Variants in CORO7 observed in about 807,000 individuals in gnomAD.
The protein encoded by CORO7 is coronin-7.
A neutral mutation model predicts 126.6 loss-of-function variants in CORO7; 107 were observed. The ratio of observed to expected loss-of-function variants is 0.85; its 90% CI spans 0.72 to 0.99. The LOEUF (loss-of-function observed/expected upper bound fraction) is 0.99. CORO7 is among the 50% of genes least tolerant of loss of function. The probability of loss-of-function intolerance (pLI) is 0.00; values close to 1 mark genes in which losing one functional copy is unlikely to be tolerated. For missense variants in CORO7, 1,314 were observed against 1,255.8 expected (o/e 1.05, Z -0.70); for synonymous variants, 603 against 536.8 (o/e 1.12, Z -1.70).
At chr16:4,415,791 G>T (rs769835964) in intron 1 of CORO7, 89 of 985,472 alleles carry the variant, frequency 9.0e-5, no homozygotes, top group Non-Finnish European at 8.7e-5. Flanking sequence ...CTGCCGTTTC[G>T]GGGGTCCGAA....
At chr16:4,404,974 C>A (rs1286379754) in intron 6 of CORO7, among the ~76,000 whole-genome samples, 2 of 152,208 alleles carry the variant, frequency 1.3e-5, no homozygotes, top group Admixed American at 6.5e-5. Context: ...CAGCACCCGC[C>A]TGCCCCGCAC....
At chr16:4,415,348 C>CT (rs1230272614) in intron 1 of CORO7, among the ~76,000 whole-genome samples, 1 of 152,158 alleles carries the variant, frequency 6.6e-6, no homozygotes, top group Non-Finnish European at 1.5e-5. Flanking sequence ...CTGGCCTCAG[C>CT]TAAAATGCCA....
chr16:4,382,997 C>G (rs980627203), intron 9 of CORO7: 4 of 1,303,752 alleles, frequency 3.1e-6, no homozygotes, highest in Admixed American at 3.1e-5. Flanking sequence ...GTCCCAACCT[C>G]GGGGATGTGT....
rs570542718 is a variant in CORO7 at position 4,409,198 on chromosome 16, G to A, written c.233-947C>T. 2.4e-4 allele frequency among the ~76,000 whole-genome samples: 37 copies of A among 152,350 alleles called. No individual in the cohort carries two copies. The East Asian group carries it at 6.0e-3, about 25-fold the overall frequency. On this transcript the variant is annotated intron_variant, in intron 3 of 27. Coordinates refer to ENST00000251166, the MANE Select transcript of CORO7 (RefSeq NM_024535.5). ...CCTCCCAACAGGGCTGAGCAGGACT[G>A]TCTTCCTCCCGGCCTCAGGAGACAG... is the stretch of plus-strand genomic sequence containing the variant.
chr16:4,355,750 T>C, intron 26 of CORO7: 1 of 206,502 alleles, frequency 4.8e-6, no homozygotes, highest in Non-Finnish European at 1.0e-5. Context: ...ATTACAGGCG[T>C]GAGCCACAGC....
chr16:4,361,428 C>T lies in CORO7; in HGVS notation c.1620G>A (p.Thr540=), dbSNP rs776723227. The T allele has an allele frequency of 1.2e-5, 19 of 1,611,924 alleles. No individual in the cohort carries two copies. Among genetic ancestry groups the T allele is most frequent in the African/African-American group, 1.1e-4 (8 of 74,870 alleles). Residue 540 remains threonine (T), a synonymous_variant, in exon 17 of 28, where the codon ACG becomes ACA. Transcript: ENST00000251166. Reference sequence around the variant, plus strand: ...CAGTCACAGCTGCCCCATTCTGCAGCGTGGGCAGTGCCGTGTCGGGCAGGC... The same window carrying T: ...CAGTCACAGCTGCCCCATTCTGCAGTGTGGGCAGTGCCGTGTCGGGCAGGC... The part of the protein sequence containing the change: ...PGRLPDTALP[T]LQNGAAVTDL...
chr16:4,368,922 C>A (rs1330455363), intron 9 of CORO7, among the ~76,000 whole-genome samples: 2 of 152,140 alleles, frequency 1.3e-5, no homozygotes, highest in Admixed American at 1.3e-4. Flanking sequence ...AAGCTGAGGG[C>A]AAGTAGGATA....
At chr16:4,384,558 G>T (rs2055124470) in intron 9 of CORO7, among the ~76,000 whole-genome samples, 1 of 152,238 alleles carries the variant, frequency 6.6e-6, no homozygotes, top group South Asian at 2.1e-4. Context: ...CTCACCCCTG[G>T]TGGGACAGAG....
At position 4,381,031 on chromosome 16, in the gene CORO7, C is replaced by T. The variant is rs373180153; in HGVS notation, c.785+6955G>A. The T allele has an allele frequency of 3.7e-6, 6 of 1,610,370 alleles. No homozygotes were observed. In the African/African-American group the frequency reaches 8.0e-5, roughly 21 times the overall value. On this transcript the variant is annotated intron_variant, in intron 9 of 27. Transcript: ENST00000251166. ...GACCACGGTGCCCCGAGACGTGCCA[C>T]CCGACACGGTGGGGCTGTACGTCTT...
chr16:4,381,583 C>T (rs1415220432), intron 9 of CORO7: 6 of 1,603,164 alleles, frequency 3.7e-6, no homozygotes, highest in East Asian at 2.3e-5. Context: ...ACCTGTGATC[C>T]GAGGCCTCCG....
chr16:4,380,346 T>G (rs978519163), intron 9 of CORO7, among the ~76,000 whole-genome samples: 2 of 152,172 alleles, frequency 1.3e-5, no homozygotes, highest in Non-Finnish European at 2.9e-5. Context: ...ATGGATCCCA[T>G]AGTTTCCATG....
Position 4,395,168 on chromosome 16 carries a change from T to C in CORO7, c.615+121A>G, listed in dbSNP as rs3747578. 2.1e-5 allele frequency: 30 copies of C among 1,424,908 alleles called. 1 individual carries two copies. The East Asian group carries it at 6.6e-4, about 31-fold the overall frequency. 88.3% of individuals were successfully genotyped at this position (1,424,908 alleles called of 1,614,324 possible). A position where few individuals can be genotyped will look rare whatever the true frequency, so the allele number is the denominator to read the frequency against. ...TGGTGGTCCACCTCCTGGGGACCCC[T>C]GGTGCTGCAGAACATGTCTGCCAGG... is the stretch of plus-strand genomic sequence containing the variant. On this transcript the variant is annotated intron_variant, in intron 7 of 27. Coordinates refer to ENST00000251166, the MANE Select transcript of CORO7 (RefSeq NM_024535.5).
At chr16:4,363,577 T>G (rs927205961) in intron 14 of CORO7, among the ~76,000 whole-genome samples, 3 of 151,990 alleles carry the variant, frequency 2.0e-5, no homozygotes, top group African/African-American at 7.3e-5. Flanking sequence ...CCAGGCGTGG[T>G]GGCGCACGCC....
intron 6 of CORO7, among the ~76,000 whole-genome samples, chr16:4,404,424 C>T (rs758521600): frequency 2.0e-5 from 3 of 152,188 alleles, no homozygotes; most frequent in Non-Finnish European, 4.4e-5. Context: ...CACCTCCTCC[C>T]CTGCAGGCTC....
chr16:4,411,983 C>T (rs571570050), intron 3 of CORO7, among the ~76,000 whole-genome samples: 5 of 152,066 alleles, frequency 3.3e-5, no homozygotes, highest in South Asian at 2.1e-4. Flanking sequence ...GGGCCCCGAG[C>T]GGCTGGGCTG....
At chr16:4,412,465 C>A in intron 2 of CORO7, 35 bp from the exon 3 acceptor site, 1 of 1,611,130 alleles carries the variant, frequency 6.2e-7, no homozygotes. Context: ...GACTTCAGGC[C>A]CCACAGGGCC....
At chr16:4,393,374 C>T (rs1160074691) in intron 7 of CORO7, among the ~76,000 whole-genome samples, 1 of 152,200 alleles carries the variant, frequency 6.6e-6, no homozygotes, top group Non-Finnish European at 1.5e-5. Context: ...CCACCATCTA[C>T]CAGGCCCAGG....
At chr16:4,392,560 C>T (rs1567286537) in intron 7 of CORO7, among the ~76,000 whole-genome samples, 1 of 152,212 alleles carries the variant, frequency 6.6e-6, no homozygotes, top group Non-Finnish European at 1.5e-5. Flanking sequence ...TCCGGGATAG[C>T]ACCAGGGCTC....
intron 9 of CORO7, among the ~76,000 whole-genome samples, chr16:4,387,602 T>C (rs1432701774): frequency 2.5e-5 from 2 of 78,502 alleles, no homozygotes; most frequent in Non-Finnish European, 4.9e-5. Context: ...TCCACCCTCC[T>C]ATCATAGCCT....
Sources: gnomAD v4.1 joint callset for allele counts (sites outside exome capture counted in the v4.1 genomes callset) on GRCh38, gnomAD v4.1.1 for gene constraint, MANE v1.5 for transcripts, NCBI Gene and HGNC (gene_info 2026-07-23, HGNC 2026-07-21) for gene names.